MCPH1: variants seen among roughly 807,000 people sequenced by gnomAD.
MCPH1 encodes microcephalin.
Under a neutral mutation model 84.5 loss-of-function variants are expected in MCPH1, and 104 were observed. That is an observed-to-expected ratio of 1.23 (90% CI 1.05 to 1.45). The LOEUF is 1.45. Ranked by LOEUF, MCPH1 falls within the 40% of genes most tolerant of loss-of-function variation. MCPH1 has a pLI of 0.00. For synonymous variants in MCPH1, 514 were observed against 366.8 expected, an observed-to-expected ratio of 1.40 and a Z score of -4.58; for missense variants, 1,498 against 1,005.7, an observed-to-expected ratio of 1.49 and a Z score of -6.62.
At chr8:6,501,281 A>G (rs1419750466) in intron 12 of MCPH1, 1 of 152,190 alleles carries the variant, frequency 6.6e-6, no homozygotes, top group Non-Finnish European at 1.5e-5. Context: ...AATAAATTAG[A>G]TTTTGAAATG....
chr8:6,456,748 A>T (rs1333286066), intron 9 of MCPH1, among the ~76,000 whole-genome samples: 3 of 151,666 alleles, frequency 2.0e-5, no homozygotes, highest in African/African-American at 7.3e-5. Flanking sequence ...ATCAAAAGGC[A>T]TGAGGTTTGA....
intron 3 of MCPH1, among the ~76,000 whole-genome samples, chr8:6,423,740 A>G (rs1329454874): frequency 6.6e-6 from 1 of 152,202 alleles, no homozygotes; most frequent in African/African-American, 2.4e-5. Context: ...GAGAGTTTAC[A>G]TATTTAAATA....
chr8:6,556,455 C>A (rs188933760), intron 12 of MCPH1, among the ~76,000 whole-genome samples: 212 of 152,174 alleles, frequency 1.4e-3, no homozygotes, highest in African/African-American at 4.8e-3. Context: ...ATCATCCCCA[C>A]CCCACAGTCC....
intron 8 of MCPH1, among the ~76,000 whole-genome samples, chr8:6,453,323 TA>T (rs781674470): frequency 3.0e-3 from 21 of 6,962 alleles, no homozygotes; most frequent in East Asian, 0.083. Context: ...ATGTTTTAAA[TA>T]AAATCATTTA....
At chr8:6,524,670 G>A (rs1817999960) in intron 12 of MCPH1, among the ~76,000 whole-genome samples, 3 of 152,208 alleles carry the variant, frequency 2.0e-5, no homozygotes, top group African/African-American at 7.2e-5. Flanking sequence ...ATAGTCTTAA[G>A]CCTGCGGAAA....
At chr8:6,483,075 A>T (rs778500248) in intron 11 of MCPH1, among the ~76,000 whole-genome samples, 1 of 152,244 alleles carries the variant, frequency 6.6e-6, no homozygotes, top group African/African-American at 2.4e-5. Context: ...TGAGCAAGTC[A>T]TCCAGATGCA....
intron 12 of MCPH1, among the ~76,000 whole-genome samples, chr8:6,527,322 AG>A (rs1330628964): frequency 2.8e-4 from 42 of 152,346 alleles, no homozygotes; most frequent in South Asian, 2.1e-4. Context: ...TTACTCTAAG[AG>A]GATCTTTAAG....
intron 13 of MCPH1, among the ~76,000 whole-genome samples, chr8:6,638,160 T>C (rs552342877): frequency 1.3e-5 from 2 of 152,336 alleles, no homozygotes; most frequent in African/African-American, 4.8e-5. Flanking sequence ...GAAACGACTC[T>C]AGGAATATTT....
intron 9 of MCPH1, among the ~76,000 whole-genome samples, chr8:6,472,008 G>T (rs1807786105): frequency 6.6e-6 from 1 of 152,164 alleles, no homozygotes; most frequent in Non-Finnish European, 1.5e-5. Context: ...GATAAGTAAA[G>T]TTAGTTATGG....
chr8:6,452,220 T>A (rs73661728), intron 8 of MCPH1, among the ~76,000 whole-genome samples: 1,607 of 152,344 alleles, frequency 0.011, 28 homozygotes, highest in African/African-American at 0.037. Flanking sequence ...TCAATACTTT[T>A]CCTTAATCTT....
At chr8:6,620,049 C>T (rs548645233) in intron 12 of MCPH1, 2 of 152,318 alleles carry the variant, frequency 1.3e-5, no homozygotes, top group East Asian at 3.9e-4. Flanking sequence ...TCTTGCCTTG[C>T]ATCAGCTCAG....
intron 12 of MCPH1, among the ~76,000 whole-genome samples, chr8:6,513,395 C>T (rs576319941): frequency 2.1e-4 from 32 of 150,644 alleles, no homozygotes; most frequent in African/African-American, 7.1e-4. Flanking sequence ...TGCCGTGGCA[C>T]GATCTCGGCT....
intron 13 of MCPH1, among the ~76,000 whole-genome samples, chr8:6,638,813 G>T (rs1236803984): frequency 2.0e-5 from 3 of 152,176 alleles, no homozygotes; most frequent in African/African-American, 7.2e-5. Context: ...CATTTTTCCT[G>T]TGTGTGTTTA....
intron 12 of MCPH1, among the ~76,000 whole-genome samples, chr8:6,533,220 A>G (rs1819862192): frequency 6.6e-6 from 1 of 152,222 alleles, no homozygotes; most frequent in East Asian, 1.9e-4. Flanking sequence ...ACTAAAGATG[A>G]TGATCATGCT....
chr8:6,567,415 G>T (rs1184493640), intron 12 of MCPH1, among the ~76,000 whole-genome samples: 2 of 152,176 alleles, frequency 1.3e-5, no homozygotes, highest in Non-Finnish European at 2.9e-5. Context: ...CGTGTGAACA[G>T]GGGAGGACTG....
chr8:6,460,838 CTTAGTA>C (rs1563241355), intron 9 of MCPH1, among the ~76,000 whole-genome samples: 1 of 151,968 alleles, frequency 6.6e-6, no homozygotes, highest in Non-Finnish European at 1.5e-5. Context: ...GACTCACTGA[CTTAGTA>C]GCTGGGCAAC....
At chr8:6,473,615 G>GCCA (rs1172932234) in intron 9 of MCPH1, among the ~76,000 whole-genome samples, 2 of 152,122 alleles carry the variant, frequency 1.3e-5, no homozygotes, top group Admixed American at 1.3e-4. Flanking sequence ...ACAGGCGTGA[G>GCCA]CCACCGCGCC....
chr8:6,602,935 ATGTG>A (rs1356535122), intron 12 of MCPH1, among the ~76,000 whole-genome samples: 2 of 151,836 alleles, frequency 1.3e-5, no homozygotes, highest in Non-Finnish European at 2.9e-5. Context: ...TTGTGTGTGC[ATGTG>A]TGTCTGTGTA....
chr8:6,638,079 T>A (rs1797686075), intron 13 of MCPH1, among the ~76,000 whole-genome samples: 1 of 152,162 alleles, frequency 6.6e-6, no homozygotes, highest in African/African-American at 2.4e-5. Flanking sequence ...ACAGGACTGC[T>A]GTGTGAAAGA....
Sources: allele counts gnomAD v4.1 joint callset (sites outside exome capture counted in the v4.1 genomes callset), GRCh38; gene constraint gnomAD v4.1.1; transcripts MANE v1.5; gene names NCBI Gene and HGNC (gene_info 2026-07-23, HGNC 2026-07-21).